The following PKD2 variants were observed in gnomAD, a reference collection of about 807,000 sequenced individuals.
The protein encoded by PKD2 is polycystin-2.
In PKD2, 48 loss-of-function variants were observed where a neutral mutation model predicts 105.9. That is an observed-to-expected ratio of 0.45 (90% CI 0.36 to 0.58). PKD2 has a LOEUF of 0.58. Ranked by LOEUF, PKD2 falls within the 20% of genes least tolerant of loss-of-function variation. The pLI, the probability that PKD2 is intolerant of heterozygous loss-of-function variation, is 0.00. For missense variants in PKD2, 1,078 were observed against 1,255.3 expected (o/e 0.86, Z 2.13); for synonymous variants, 464 against 481.1 (o/e 0.96, Z 0.46).
intron 4 of PKD2, among the ~76,000 whole-genome samples, chr4:88,042,405 C>T (rs1473191961): frequency 3.3e-5 from 5 of 152,174 alleles, no homozygotes; most frequent in Non-Finnish European, 5.9e-5. Context: ...TCAATTACCT[C>T]CTACCGGGTT....
chr4:88,039,990 A>AT (rs1727497070), intron 4 of PKD2, among the ~76,000 whole-genome samples: 1 of 152,146 alleles, frequency 6.6e-6, no homozygotes, highest in Non-Finnish European at 1.5e-5. Context: ...CCAATATTTT[A>AT]TTTATCTCAC....
chr4:88,055,257 C>T (rs1720279754), intron 7 of PKD2, among the ~76,000 whole-genome samples: 1 of 152,196 alleles, frequency 6.6e-6, no homozygotes, highest in African/African-American at 2.4e-5. Context: ...ACATAAAGCC[C>T]TCCACATATA....
intron 2 of PKD2, among the ~76,000 whole-genome samples, 176 bp downstream of exon 2, chr4:88,019,747 A>G (rs1266294357): frequency 2.6e-5 from 4 of 152,166 alleles, no homozygotes; most frequent in Non-Finnish European, 4.4e-5. Flanking sequence ...CTATCTTCCT[A>G]TGGTAGAATG....
intron 7 of PKD2, among the ~76,000 whole-genome samples, chr4:88,052,994 T>C (rs1720167517): frequency 6.6e-6 from 1 of 152,200 alleles, no homozygotes; most frequent in South Asian, 2.1e-4. Flanking sequence ...GTGTGAAAGG[T>C]TATGACATTT....
Position 88,056,093 on chromosome 4 carries a change from A to G in PKD2, c.1724A>G (p.Lys575Arg), listed in dbSNP as rs181037821. The G allele has an allele frequency of 1.9e-5, 31 of 1,610,022 alleles. No individual in the cohort carries two copies. The East Asian group carries it at 6.7e-4, about 35-fold the overall frequency. The change falls in exon 8 of 15, where the codon AAA (lysine) becomes AGA (arginine). Residue 575 changes from lysine (K) to arginine (R), a missense_variant. Transcript: ENST00000237596. ...TVFFVWIKLFKFINFNRTMSQ... is the reference protein window; with the variant it reads ...TVFFVWIKLFRFINFNRTMSQ... ...GTCTTCTCTCTCTTACAGCTCTTCA[A>G]ATTCATCAATTTTAACAGGACCATG...
rs1468586160 is a variant in PKD2 at position 88,052,135 on chromosome 4, A to G, written c.1693A>G (p.Thr565Ala). The G allele has an allele frequency of 2.5e-6, 4 of 1,602,008 alleles. No homozygotes were observed. Among genetic ancestry groups the G allele is most frequent in the Non-Finnish European group, 3.4e-6 (4 of 1,169,612 alleles). ...ACAGTTCAACAATATAGCTGCTGTC[A>G]CAGTATTTTTTGTCTGGATTAAGGT... Reference protein sequence around the residue: ...QIQFNNIAAVTVFFVWIKLFK... With the variant: ...QIQFNNIAAVAVFFVWIKLFK... Residue 565 changes from threonine (T) to alanine (A), a missense_variant, in exon 7 of 15, where the codon ACA becomes GCA. Physicochemically the swap from Thr to Ala is moderately conservative, Grantham distance 58 (BLOSUM62 0). Around this residue, in one of 2 missense-constraint regions of PKD2, gnomAD observed 868 missense variants for 1,067.3 expected, o/e 0.81. Transcript: ENST00000237596.
At chr4:88,021,996 C>A (rs535182412) in intron 2 of PKD2, among the ~76,000 whole-genome samples, 1 of 152,290 alleles carries the variant, frequency 6.6e-6, no homozygotes, top group Non-Finnish European at 1.5e-5. Flanking sequence ...ATGAGCCTCA[C>A]CATGGTGAGT....
At chr4:88,047,553 C>G (rs1727822984) in intron 6 of PKD2, among the ~76,000 whole-genome samples, 1 of 152,060 alleles carries the variant, frequency 6.6e-6, no homozygotes, top group Admixed American at 6.6e-5. Context: ...AGAGTGAGAC[C>G]TTGCCTCAAA....
intron 4 of PKD2, among the ~76,000 whole-genome samples, chr4:88,039,037 G>A (rs185697565): frequency 1.3e-5 from 2 of 152,224 alleles, no homozygotes; most frequent in Non-Finnish European, 2.9e-5. Flanking sequence ...GTACACTTTG[G>A]TACTCCTACT....
intron 1 of PKD2, among the ~76,000 whole-genome samples, chr4:88,012,304 C>T (rs1726410586): frequency 1.3e-5 from 2 of 152,166 alleles, no homozygotes; most frequent in Non-Finnish European, 2.9e-5. Flanking sequence ...TGCCCAGGGC[C>T]GCAACTATTA....
chr4:88,065,855 G>A lies in PKD2; in HGVS notation c.2334G>A (p.Met778Ile). Residue 778 changes from methionine to isoleucine, a missense_variant, in exon 12 of 15, where the codon ATG becomes ATA. Coordinates refer to ENST00000237596, the MANE Select transcript of PKD2 (RefSeq NM_000297.4). ...QELTEHEHQQ[M>I]RDDLEKERED... Reference sequence around the variant, plus strand: ...TGACCGAACATGAACATCAGCAGATGAGAGACGACTTGGAGAAAGAGAGGG... The same window carrying A: ...TGACCGAACATGAACATCAGCAGATAAGAGACGACTTGGAGAAAGAGAGGG... 1 of 1,611,302 alleles carries A rather than the reference G, an allele frequency of 6.2e-7. No individual in the cohort carries two copies. Among genetic ancestry groups the A allele is most frequent in the Non-Finnish European group, 8.5e-7 (1 of 1,177,452 alleles).
intron 13 of PKD2, among the ~76,000 whole-genome samples, chr4:88,070,744 G>C (rs914055748): frequency 1.3e-4 from 19 of 151,064 alleles, no homozygotes; most frequent in Admixed American, 9.2e-4. Flanking sequence ...TGATCCTCCT[G>C]CCTCAACCTC....
chr4:88,059,364 A>G (rs1021755592), intron 9 of PKD2, among the ~76,000 whole-genome samples: 2 of 152,178 alleles, frequency 1.3e-5, no homozygotes, highest in South Asian at 2.1e-4. Flanking sequence ...TTACTCTACC[A>G]TTGATAGTAC....
chr4:88,041,434 C>T (rs1243449076), intron 4 of PKD2, among the ~76,000 whole-genome samples: 1 of 152,156 alleles, frequency 6.6e-6, no homozygotes, highest in African/African-American at 2.4e-5. Context: ...TAGAGGCATC[C>T]TTACAGCTAA....
chr4:88,074,344 G>T (rs969000144), intron 13 of PKD2, among the ~76,000 whole-genome samples: 1 of 151,986 alleles, frequency 6.6e-6, no homozygotes, highest in Non-Finnish European at 1.5e-5. Context: ...TTGCCATCCT[G>T]CCCAGGCTGG....
Position 88,008,158 on chromosome 4 carries a change from G to C in PKD2, c.425G>C (p.Gly142Ala). 1 of 1,457,174 alleles carries C rather than the reference G, an allele frequency of 6.9e-7. No individual in the cohort carries two copies. Among genetic ancestry groups the C allele is most frequent in the South Asian group, 1.3e-5 (1 of 75,506 alleles). The allele number at this position is 1,457,174 out of a possible 1,614,324, so 90.3% of individuals were successfully genotyped here. Residue 142 changes from glycine (G) to alanine (A), a missense_variant, in exon 1 of 15, where the codon GGG becomes GCG. Physicochemically the swap from Gly to Ala is moderately conservative, Grantham distance 60. Transcript: ENST00000237596. Reference sequence around the variant, plus strand: ...GTGGGCGCGCGGAGCCGGGGGCTTGGGGGCTACCACGGCGCGGGCCACCCG... The same window carrying C: ...GTGGGCGCGCGGAGCCGGGGGCTTGCGGGCTACCACGGCGCGGGCCACCCG... The part of the protein sequence containing the change: ...SSVGARSRGL[G>A]GYHGAGHPSG...
At position 88,048,039 on chromosome 4, in the gene PKD2, C is replaced by T. The variant is rs17013761; in HGVS notation, c.1548+1169C>T. 9.6e-3 allele frequency among the ~76,000 whole-genome samples: 1,455 copies of T among 152,244 alleles called. 19 individuals carry two copies. The highest frequency in any genetic ancestry group is 0.033 in the African/African-American group (1,365 of 41,514). On this transcript the variant is annotated intron_variant, in intron 6 of 14. Transcript: ENST00000237596. ...AAAGAATTTTTACAAGCTTTTCTCC[C>T]TTCAGCAATAACAGGTAACATTTCG...
In PKD2 at chr4:88,073,354, ATC is replaced by A. The variant is rs540981382; in HGVS notation, c.2523-1454_2523-1453del. Among the ~76,000 whole-genome samples, 116 of 151,858 alleles carry A rather than the reference ATC, an allele frequency of 7.6e-4. 1 individual carries two copies. Among genetic ancestry groups the A allele is most frequent in the African/African-American group, 2.6e-3 (106 of 41,400 alleles). On this transcript the variant is annotated intron_variant, in intron 13 of 14. Coordinates refer to ENST00000237596, the MANE Select transcript of PKD2 (RefSeq NM_000297.4). The stretch of plus-strand genomic sequence containing the variant: ...AGCCTGGCCAACGTGGTGAAACCCC[ATC>A]TCTACTAAAAAATAGAAAAATTATC...
Position 88,075,892 on chromosome 4 carries a change from A to G in PKD2, c.*198A>G. 3.4e-6 allele frequency: 2 copies of G among 595,358 alleles called. No individual in the cohort carries two copies. Among genetic ancestry groups the G allele is most frequent in the South Asian group, 3.9e-5 (2 of 50,982 alleles). The allele number at this position is 595,358 out of a possible 1,614,324, so 36.9% of individuals were successfully genotyped here. ...AGATTTTTTTTTCTTTTTCTCATAT[A>G]AGAAATCTAGGTGTAAATATTGAGT... On this transcript the variant is annotated 3_prime_UTR_variant, in exon 15 of 15. Coordinates refer to ENST00000237596, the MANE Select transcript of PKD2 (RefSeq NM_000297.4).
Sources: gnomAD v4.1 joint callset for allele counts (sites outside exome capture counted in the v4.1 genomes callset) on GRCh38, gnomAD v4.1.1 for gene constraint, gnomAD v4.1.1 regional missense constraint, MANE v1.5 for transcripts, NCBI Gene and HGNC (gene_info 2026-07-23, HGNC 2026-07-21) for gene names.